GRHL1: variants seen among roughly 807,000 people sequenced by gnomAD.
GRHL1 encodes grainyhead like transcription factor 1.
Under a neutral mutation model 75.7 loss-of-function variants are expected in GRHL1, and 38 were observed. The ratio of observed to expected loss-of-function variants is 0.50; its 90% confidence interval spans 0.39 to 0.66. The LOEUF (loss-of-function observed/expected upper bound fraction) is 0.66. Among genes scored for constraint, GRHL1 ranks in the 30% least tolerant of loss-of-function variants. The pLI is 0.00. For missense variants in GRHL1, 589 were observed against 767.5 expected (o/e 0.77, Z 2.75); for synonymous variants, 266 against 279.4 (o/e 0.95, Z 0.48).
rs55881907 is a variant in GRHL1 at position 9,990,931 on chromosome 2, G to T, written c.1321+184G>T. On this transcript the variant is annotated intron_variant, in intron 10 of 15. Coordinates refer to ENST00000324907, the MANE Select transcript of GRHL1 (RefSeq NM_198182.3). The surrounding 1 kb of genome is among the most constrained non-coding windows in gnomAD (Gnocchi z 4.2). ...ATCAGCAGCAGATGCCAGCTCAGCG[G>T]GAGGGGTTTTCCTGGGGACTACAGG... Among the ~76,000 whole-genome samples, 1 of 139,542 alleles carries T rather than the reference G, an allele frequency of 7.2e-6. No homozygotes were observed. Among genetic ancestry groups the T allele is most frequent in the African/African-American group, 2.7e-5 (1 of 36,616 alleles). The allele number at this position is 139,542 out of a possible 152,430, so 91.5% of individuals were successfully genotyped here. A position where few individuals can be genotyped will look rare whatever the true frequency, so the allele number is the denominator to read the frequency against.
At chr2:9,961,545 T>G (rs1276271695) in intron 4 of GRHL1, 109 bp downstream of exon 4, 1 of 1,061,234 alleles carries the variant, frequency 9.4e-7, no homozygotes, top group Non-Finnish European at 1.3e-6. Context: ...ATGAATGGAT[T>G]AGGAATAAAA....
intron 8 of GRHL1, among the ~76,000 whole-genome samples, chr2:9,985,156 A>G (rs1306227355): frequency 2.0e-5 from 3 of 152,164 alleles, no homozygotes; most frequent in African/African-American, 7.2e-5. Context: ...TGAGAAGCTC[A>G]AAGTCTGGTT....
Position 9,961,187 on chromosome 2 carries a change from T to C in GRHL1, c.420T>C (p.Ala140=), listed in dbSNP as rs1364145555. The C allele has an allele frequency of 1.2e-6, 2 of 1,613,940 alleles. No individual in the cohort carries two copies. The highest frequency in any genetic ancestry group is 2.7e-5 in the African/African-American group (2 of 74,902). ...LGIDKRGHLT[A]PDTTVTVSIA... The stretch of plus-strand genomic sequence containing the variant: ...TTGATAAGAGAGGCCATCTGACAGC[T>C]CCAGATACGACAGTCACTGTCTCCA... Residue 140 remains alanine, a synonymous_variant, in exon 4 of 16, where the codon GCT becomes GCC. Coordinates refer to ENST00000324907, the MANE Select transcript of GRHL1 (RefSeq NM_198182.3).
intron 8 of GRHL1, among the ~76,000 whole-genome samples, chr2:9,972,237 T>C (rs1218471928): frequency 2.0e-5 from 3 of 151,644 alleles, no homozygotes; most frequent in Admixed American, 1.3e-4. Context: ...CTCCACCCTG[T>C]CACTGTCAAG....
rs141677285 is a variant in GRHL1 at position 9,966,410 on chromosome 2, G to GAA, written c.1110+1038_1110+1039dup. 1.8e-3 allele frequency: 259 copies of GAA among 147,914 alleles called. 1 individual carries two copies. Among genetic ancestry groups the GAA allele is most frequent in the African/African-American group, 5.9e-3 (239 of 40,500 alleles). 9.2% of individuals were successfully genotyped at this position (147,914 alleles called of 1,614,324 possible). A position where few individuals can be genotyped will look rare whatever the true frequency, so the allele number is the denominator to read the frequency against. On this transcript the variant is annotated intron_variant, in intron 8 of 15. Transcript: ENST00000324907. ...GAGACCCTGTCCCCCCCAAAAAAAA[G>GAA]AAAAAAAAAACTCAATAGAAACATA...
At chr2:9,952,866 T>A (rs898465072) in intron 1 of GRHL1, 2 of 343,942 alleles carry the variant, frequency 5.8e-6, no homozygotes, top group Non-Finnish European at 1.2e-5. Context: ...AGATAGATAT[T>A]TTGTATGGAG....
In GRHL1 at chr2:9,951,746, C is replaced by A; in HGVS notation, c.-88C>A. 2 of 1,173,910 alleles carry A rather than the reference C, an allele frequency of 1.7e-6. No homozygotes were observed. Among genetic ancestry groups the A allele is most frequent in the Non-Finnish European group, 1.2e-6 (1 of 855,760 alleles). The allele number at this position is 1,173,910 out of a possible 1,614,324, so 72.7% of individuals were successfully genotyped here. On this transcript the variant is annotated 5_prime_UTR_variant, in exon 1 of 16. Transcript: ENST00000324907. This position sits in a 1 kb window ranked among gnomAD's most constrained non-coding sequence, Gnocchi z 4.2. Reference sequence around the variant, plus strand: ...GGGGCCGCCGCTCCGGACCCGCAGCCGCCGCCGCCGCCTCCTCCCCCCGGA... The same window carrying A: ...GGGGCCGCCGCTCCGGACCCGCAGCAGCCGCCGCCGCCTCCTCCCCCCGGA...
Position 9,970,689 on chromosome 2 carries a change from G to A in GRHL1, c.1110+5308G>A, listed in dbSNP as rs969032760. ...GAAGGGGAAGGGGCAGTCAGAGACA[G>A]GACAAAATCAGAGCGCCTTGTTCCC... On this transcript the variant is annotated intron_variant, in intron 8 of 15. Coordinates refer to ENST00000324907, the MANE Select transcript of GRHL1 (RefSeq NM_198182.3). 7.9e-5 allele frequency among the ~76,000 whole-genome samples: 12 copies of A among 152,324 alleles called. No homozygotes were observed. The East Asian group carries it at 2.3e-3, about 29-fold the overall frequency.
At position 9,987,440 on chromosome 2, in the gene GRHL1, A is replaced by C. The variant is rs1668470822; in HGVS notation, c.1269+1158A>C. Among the ~76,000 whole-genome samples, 1 of 152,200 alleles carries C rather than the reference A, an allele frequency of 6.6e-6. No homozygotes were observed. The highest frequency in any genetic ancestry group is 1.5e-5 in the Non-Finnish European group (1 of 68,024). ...GGACCCTCTGAGCCCAGCTGCTGGA[A>C]GTGTAGGCAGTCACCCCTGCACGGG... On this transcript the variant is annotated intron_variant, in intron 9 of 15. Transcript: ENST00000324907. The surrounding 1 kb of genome is among the most constrained non-coding windows in gnomAD (Gnocchi z 4.2).
intron 8 of GRHL1, among the ~76,000 whole-genome samples, chr2:9,967,295 A>G (rs1667533710): frequency 6.6e-6 from 1 of 152,242 alleles, no homozygotes; most frequent in South Asian, 2.1e-4. Flanking sequence ...CAGGATTAAT[A>G]AGCGCTTGTC....
At chr2:9,982,259 T>C (rs1444871525) in intron 8 of GRHL1, among the ~76,000 whole-genome samples, 2 of 152,246 alleles carry the variant, frequency 1.3e-5, no homozygotes, top group African/African-American at 4.8e-5. Flanking sequence ...TGGAACTTGC[T>C]TTAATAATCT....
rs781751313 is a variant in GRHL1 at position 9,986,103 on chromosome 2, A to G, written c.1111-21A>G. On this transcript the variant is annotated intron_variant, in intron 8 of 15. Transcript: ENST00000324907. The stretch of plus-strand genomic sequence containing the variant: ...TTGACTTGGTGCCTGTTGCTTATGG[A>G]ACCTTCTCTTCCCTTGGCAGGTTTT... 10 of 1,590,802 alleles carry G rather than the reference A, an allele frequency of 6.3e-6. No individual in the cohort carries two copies. In the Admixed American group the frequency reaches 7.1e-5, roughly 11 times the overall value.
intron 1 of GRHL1, among the ~76,000 whole-genome samples, chr2:9,954,284 A>G (rs1294745552): frequency 6.6e-5 from 10 of 152,186 alleles, no homozygotes; most frequent in Admixed American, 6.5e-4. Context: ...CCCATGCCAG[A>G]AAATTATGCC....
At chr2:9,965,708 A>G (rs563416920) in intron 8 of GRHL1, 5 of 279,092 alleles carry the variant, frequency 1.8e-5, no homozygotes, top group African/African-American at 6.5e-5. Context: ...TCCTCCCTCT[A>G]TTGAAGGAGG....
intron 10 of GRHL1, 29 bp from the exon 11 acceptor site, chr2:9,991,978 T>C (rs1291125556): frequency 6.5e-7 from 1 of 1,534,490 alleles, no homozygotes; most frequent in Non-Finnish European, 8.8e-7. Flanking sequence ...GACCTTGGCT[T>C]CCTCTTTTTT....
intron 8 of GRHL1, among the ~76,000 whole-genome samples, chr2:9,979,169 G>GAAAAAAAAAAAAAAAA (rs1313941842): frequency 4.9e-4 from 37 of 74,820 alleles, no homozygotes; most frequent in African/African-American, 8.6e-4. Context: ...AAAAAAAAAG[G>GAAAAAAAAAAAAAAAA]AAACCTTATC....
At chr2:9,995,105 C>G (rs1668798470) in intron 12 of GRHL1, among the ~76,000 whole-genome samples, 1 of 152,200 alleles carries the variant, frequency 6.6e-6, no homozygotes. Context: ...GCTGAATGAT[C>G]AGGACATTCA....
At chr2:9,956,766 C>G (rs1667045042) in intron 2 of GRHL1, among the ~76,000 whole-genome samples, 1 of 151,994 alleles carries the variant, frequency 6.6e-6, no homozygotes, top group Non-Finnish European at 1.5e-5. Context: ...AATTAAGTTC[C>G]TAAAACATTA....
chr2:9,998,909 T>G, intron 14 of GRHL1, 56 bp from the exon 15 acceptor site: 1 of 618,852 alleles, frequency 1.6e-6, no homozygotes, highest in South Asian at 1.9e-5. Context: ...TATTTGTTGT[T>G]TGGTTTCTAA....
Sources: gnomAD v4.1 joint callset for allele counts (sites outside exome capture counted in the v4.1 genomes callset) on GRCh38, gnomAD v4.1.1 for gene constraint, Gnocchi (gnomAD v3.1) non-coding constraint, MANE v1.5 for transcripts, NCBI Gene and HGNC (gene_info 2026-07-23, HGNC 2026-07-21) for gene names.